Variants in GALNT13 observed in about 807,000 individuals in gnomAD.
GALNT13 encodes polypeptide N-acetylgalactosaminyltransferase 13.
GALNT13 carries 28 observed loss-of-function variants against 64.2 expected under a neutral mutation model. The ratio of observed to expected loss-of-function variants is 0.44; its 90% CI spans 0.32 to 0.60. The LOEUF (loss-of-function observed/expected upper bound fraction) is 0.60, where lower values mean the gene tolerates loss of function less well. Among genes scored for constraint, GALNT13 ranks in the 20% least tolerant of loss-of-function variants. The probability of loss-of-function intolerance (pLI) is 0.05; values close to 1 mark genes in which losing one functional copy is unlikely to be tolerated. For missense variants in GALNT13, 577 were observed against 669.8 expected (o/e 0.86, Z 1.53); for synonymous variants, 214 against 224.6 (o/e 0.95, Z 0.42).
chr2:153,957,927 C>A (rs1257898044), intron 3 of GALNT13, among the ~76,000 whole-genome samples: 8 of 152,202 alleles, frequency 5.3e-5, no homozygotes, highest in Admixed American at 5.2e-4. Context: ...ACAAACTCCT[C>A]TATACACTTT....
chr2:154,440,092 G>A (rs1701208913), intron 12 of GALNT13, among the ~76,000 whole-genome samples: 1 of 152,158 alleles, frequency 6.6e-6, no homozygotes, highest in Non-Finnish European at 1.5e-5. Context: ...TACAGATATA[G>A]TAGAAATCCT....
At chr2:153,529,153 A>G in the GALNT13 span, among the ~76,000 whole-genome samples, 1 of 151,964 alleles carries the variant, frequency 6.6e-6, no homozygotes, top group Non-Finnish European at 1.5e-5. Flanking sequence ...TTAAAGTTAA[A>G]CAAAACTTAC....
At chr2:153,212,434 T>C in the GALNT13 span, among the ~76,000 whole-genome samples, 5 of 152,186 alleles carry the variant, frequency 3.3e-5, no homozygotes, top group Non-Finnish European at 7.4e-5. Context: ...ATTATACTTA[T>C]CAATTAAGTC....
intron 11 of GALNT13, among the ~76,000 whole-genome samples, chr2:154,434,811 C>T (rs976876624): frequency 2.0e-5 from 3 of 152,026 alleles, no homozygotes; most frequent in African/African-American, 7.2e-5. Flanking sequence ...ATACAAAGAG[C>T]TCTACATGTT....
chr2:153,124,428 T>A, the GALNT13 span, among the ~76,000 whole-genome samples: 1 of 152,212 alleles, frequency 6.6e-6, no homozygotes, highest in African/African-American at 2.4e-5. Context: ...TTGAGCTTTT[T>A]CTCCAAGTTT....
intron 4 of GALNT13, among the ~76,000 whole-genome samples, chr2:154,153,172 C>A (rs998339999): frequency 1.4e-4 from 21 of 152,158 alleles, no homozygotes; most frequent in African/African-American, 4.6e-4. Context: ...AGCTGCAGGT[C>A]TGTTGGAGTT....
the GALNT13 span, among the ~76,000 whole-genome samples, chr2:153,109,771 G>T: frequency 6.6e-6 from 1 of 152,062 alleles, no homozygotes; most frequent in Non-Finnish European, 1.5e-5. Flanking sequence ...CTTTTAAAGT[G>T]TTAAAAATAA....
chr2:153,229,577 T>G, the GALNT13 span, among the ~76,000 whole-genome samples: 2 of 152,320 alleles, frequency 1.3e-5, no homozygotes, highest in African/African-American at 4.8e-5. Context: ...ATACACTTAA[T>G]TTAATCGCCT....
At position 154,351,682 on chromosome 2, in the gene GALNT13, CAAAAAAAAAAAAAAAAAAA is replaced by C. The variant is rs567606376; in HGVS notation, c.1157-44289_1157-44271del. Among the ~76,000 whole-genome samples, 13 of 44,668 alleles carry C rather than the reference CAAAAAAAAAAAAAAAAAAA, an allele frequency of 2.9e-4. No individual in the cohort carries two copies. The East Asian group carries it at 3.0e-3, about 10-fold the overall frequency. The allele number at this position is 44,668 out of a possible 152,430, so 29.3% of individuals were successfully genotyped here. A position where few individuals can be genotyped will look rare whatever the true frequency, so the allele number is the denominator to read the frequency against. ...TGGGCGACAAAGCGAGACTCCGTCT[CAAAAAAAAAAAAAAAAAAA>C]AAAAAAAAAAAAAAAAAAAGCCAGA... On this transcript the variant is annotated intron_variant, in intron 9 of 12. Transcript: ENST00000392825.
the GALNT13 span, among the ~76,000 whole-genome samples, chr2:153,659,860 A>G: frequency 6.6e-6 from 1 of 152,146 alleles, no homozygotes; most frequent in Non-Finnish European, 1.5e-5. Context: ...GTGATATAAT[A>G]TGAATAACTA....
At chr2:154,139,179 T>C (rs1012361606) in intron 3 of GALNT13, among the ~76,000 whole-genome samples, 1 of 152,078 alleles carries the variant, frequency 6.6e-6, no homozygotes, top group Non-Finnish European at 1.5e-5. Context: ...TGTGTATTCA[T>C]GCTAATAATA....
the GALNT13 span, among the ~76,000 whole-genome samples, chr2:153,702,176 T>C: frequency 6.6e-6 from 1 of 152,178 alleles, no homozygotes; most frequent in Non-Finnish European, 1.5e-5. Context: ...TCATGTTCTT[T>C]GCAGGGATGA....
At chr2:153,272,266 T>A in the GALNT13 span, among the ~76,000 whole-genome samples, 1 of 151,896 alleles carries the variant, frequency 6.6e-6, no homozygotes, top group African/African-American at 2.4e-5. Context: ...ACAAATGGGA[T>A]CTAATTAAAC....
intron 11 of GALNT13, among the ~76,000 whole-genome samples, chr2:154,420,110 G>A (rs1700185242): frequency 6.6e-6 from 1 of 151,862 alleles, no homozygotes; most frequent in Non-Finnish European, 1.5e-5. Context: ...ATACTACCCT[G>A]GTTTAATAAA....
At chr2:153,644,812 A>T in the GALNT13 span, among the ~76,000 whole-genome samples, 1 of 152,084 alleles carries the variant, frequency 6.6e-6, no homozygotes, top group African/African-American at 2.4e-5. Flanking sequence ...GTCCGAGCCA[A>T]TGATAGGACC....
intron 1 of GALNT13, among the ~76,000 whole-genome samples, chr2:153,894,466 T>C (rs1687761660): frequency 6.7e-6 from 1 of 149,488 alleles, no homozygotes; most frequent in African/African-American, 2.5e-5. Context: ...TTGTCATGCC[T>C]GTGATCGAAA....
the GALNT13 span, among the ~76,000 whole-genome samples, chr2:153,265,919 T>C: frequency 1.3e-5 from 2 of 152,186 alleles, no homozygotes; most frequent in African/African-American, 4.8e-5. Flanking sequence ...TGAAAGAAGA[T>C]CTAGTGTGGG....
At chr2:153,702,144 G>T in the GALNT13 span, among the ~76,000 whole-genome samples, 1 of 152,176 alleles carries the variant, frequency 6.6e-6, no homozygotes, top group African/African-American at 2.4e-5. Flanking sequence ...GGAATACTAT[G>T]CAGCTGTAAA....
chr2:154,293,845 A>G (rs1692773138), intron 8 of GALNT13, among the ~76,000 whole-genome samples: 1 of 151,968 alleles, frequency 6.6e-6, no homozygotes, highest in South Asian at 2.1e-4. Context: ...TTTAACATTT[A>G]TTTTTTTCAC....
Sources: gnomAD v4.1 joint callset for allele counts (sites outside exome capture counted in the v4.1 genomes callset) on GRCh38, gnomAD v4.1.1 for gene constraint, MANE v1.5 for transcripts, NCBI Gene and HGNC (gene_info 2026-07-23, HGNC 2026-07-21) for gene names.